The following KCNQ1 variants were observed in gnomAD, a reference collection of about 807,000 sequenced individuals.
The protein encoded by KCNQ1 is potassium voltage-gated channel subfamily KQT member 1.
Under a neutral mutation model 72.4 loss-of-function variants are expected in KCNQ1, and 49 were observed. That is an observed-to-expected ratio of 0.68 (90% CI 0.54 to 0.86). The LOEUF (loss-of-function observed/expected upper bound fraction) is 0.86. KCNQ1 is among the 40% of genes least tolerant of loss of function. The probability of loss-of-function intolerance (pLI) is 0.00; values close to 1 mark genes in which losing one functional copy is unlikely to be tolerated. For missense variants in KCNQ1, 790 were observed against 945.1 expected (o/e 0.84, Z 2.15); for synonymous variants, 450 against 412.6 (o/e 1.09, Z -1.10).
chr11:2,766,406 T>A lies in KCNQ1; in HGVS notation c.1515-2438T>A, dbSNP rs1486925745. On this transcript the variant is annotated intron_variant, in intron 11 of 15. Coordinates refer to ENST00000155840, the MANE Select transcript of KCNQ1 (RefSeq NM_000218.3). The surrounding 1 kb of genome is among the most constrained non-coding windows in gnomAD (Gnocchi z 4.4). The stretch of plus-strand genomic sequence containing the variant: ...GTTGTCAGCCAGGGTCTCTCAGCTC[T>A]CCTTCACGCGGCTGTTCCAGCAGGC... 6.6e-6 allele frequency among the ~76,000 whole-genome samples: 1 copy of A among 152,222 alleles called. No individual in the cohort carries two copies. The highest frequency in any genetic ancestry group is 2.4e-5 in the African/African-American group (1 of 41,454).
In KCNQ1 at chr11:2,621,392, A is replaced by G. The variant is rs1314179724; in HGVS notation, c.1393+32538A>G. 3 of 398,550 alleles carry G rather than the reference A, an allele frequency of 7.5e-6. No individual in the cohort carries two copies. Among genetic ancestry groups the G allele is most frequent in the Non-Finnish European group, 1.3e-5 (3 of 226,046 alleles). 24.7% of individuals were successfully genotyped at this position (398,550 alleles called of 1,614,324 possible). On this transcript the variant is annotated intron_variant, in intron 10 of 15. Coordinates refer to ENST00000155840, the MANE Select transcript of KCNQ1 (RefSeq NM_000218.3). The surrounding 1 kb of genome is among the most constrained non-coding windows in gnomAD (Gnocchi z 5.7). ...TGTCCTTTGCCAATTCAATTGGATTATTCGTTTTTTGCTTGTTGATTGGTT... is the reference window on the plus strand; with the variant it reads ...TGTCCTTTGCCAATTCAATTGGATTGTTCGTTTTTTGCTTGTTGATTGGTT...
At chr11:2,584,872 A>G (rs927615240) in intron 7 of KCNQ1, among the ~76,000 whole-genome samples, 4 of 152,082 alleles carry the variant, frequency 2.6e-5, no homozygotes, top group African/African-American at 9.7e-5. Flanking sequence ...CTGCCTTCTC[A>G]CTTGCGACCC....
In KCNQ1 at chr11:2,600,364, C is replaced by T. The variant is rs1848784487; in HGVS notation, c.1393+11510C>T. Among the ~76,000 whole-genome samples, 1 of 152,168 alleles carries T rather than the reference C, an allele frequency of 6.6e-6. No individual in the cohort carries two copies. Among genetic ancestry groups the T allele is most frequent in the African/African-American group, 2.4e-5 (1 of 41,442 alleles). On this transcript the variant is annotated intron_variant, in intron 10 of 15. Coordinates refer to ENST00000155840, the MANE Select transcript of KCNQ1 (RefSeq NM_000218.3). The surrounding 1 kb of genome is among the most constrained non-coding windows in gnomAD (Gnocchi z 5.6). The stretch of plus-strand genomic sequence containing the variant: ...ATAATTTTGAACTACAGAAAAATTA[C>T]AAGCACGAGATATAAAAACACCTAC...
rs1849209218 is a variant in KCNQ1 at position 2,623,520 on chromosome 11, G to A, written c.1393+34666G>A. ...AATGCAATATGATTGGAATCATACAGTATGTAGTTTCTTCAGATTGCCTTA... is the reference window on the plus strand; with the variant it reads ...AATGCAATATGATTGGAATCATACAATATGTAGTTTCTTCAGATTGCCTTA... On this transcript the variant is annotated intron_variant, in intron 10 of 15. Coordinates refer to ENST00000155840, the MANE Select transcript of KCNQ1 (RefSeq NM_000218.3). This position sits in a 1 kb window ranked among gnomAD's most constrained non-coding sequence, Gnocchi z 5.2. 1 of 398,364 alleles carries A rather than the reference G, an allele frequency of 2.5e-6. No homozygotes were observed. The highest frequency in any genetic ancestry group is 4.4e-5 in the Admixed American group (1 of 22,704). The allele number at this position is 398,364 out of a possible 1,614,324, so 24.7% of individuals were successfully genotyped here. A position where few individuals can be genotyped will look rare whatever the true frequency, so the allele number is the denominator to read the frequency against.
At chr11:2,445,887 A>G (rs573777054) in intron 1 of KCNQ1, among the ~76,000 whole-genome samples, 29 of 152,098 alleles carry the variant, frequency 1.9e-4, no homozygotes, top group African/African-American at 6.3e-4. Flanking sequence ...CCCAAGAGAG[A>G]AGGCCCCTGA....
chr11:2,677,152 T>C lies in KCNQ1; in HGVS notation c.1514+15071T>C, dbSNP rs992132730. ...ATCCCTCCCTATTGAACACTGTTGT[T>C]TCTCCCTATCCATCTTATCCCTACT... On this transcript the variant is annotated intron_variant, in intron 11 of 15. Transcript: ENST00000155840. This position sits in a 1 kb window ranked among gnomAD's most constrained non-coding sequence, Gnocchi z 4.5. 3.3e-5 allele frequency: 13 copies of C among 398,514 alleles called. No homozygotes were observed. The highest frequency in any genetic ancestry group is 2.7e-4 in the African/African-American group (13 of 48,622). 24.7% of individuals were successfully genotyped at this position (398,514 alleles called of 1,614,324 possible). A position where few individuals can be genotyped will look rare whatever the true frequency, so the allele number is the denominator to read the frequency against.
chr11:2,459,603 G>A (rs114622817), intron 1 of KCNQ1, among the ~76,000 whole-genome samples: 3,418 of 152,244 alleles, frequency 0.022, 78 homozygotes, highest in African/African-American at 0.058. Flanking sequence ...ACCGGGCAGG[G>A]ACAAGTCAGC....
chr11:2,650,921 G>A (rs1168695874), intron 10 of KCNQ1: 1 of 398,502 alleles, frequency 2.5e-6, no homozygotes, highest in Non-Finnish European at 4.4e-6. Context: ...CTGGCTGAAA[G>A]TCTTTTTTAA....
intron 2 of KCNQ1, among the ~76,000 whole-genome samples, chr11:2,553,503 T>TC (rs1848020672): frequency 1.3e-5 from 2 of 152,162 alleles, no homozygotes; most frequent in South Asian, 4.1e-4. Context: ...TGACAAGTGC[T>TC]CCTTCTGCCT....
At chr11:2,636,791 T>A (rs1225920891) in intron 10 of KCNQ1, 1 of 152,258 alleles carries the variant, frequency 6.6e-6, no homozygotes, top group African/African-American at 2.4e-5. Flanking sequence ...TCTGGTAGAA[T>A]TCGGCTGTGA....
Position 2,645,928 on chromosome 11 carries a change from TC to T in KCNQ1, c.1394-16032del. On this transcript the variant is annotated intron_variant, in intron 10 of 15. Coordinates refer to ENST00000155840, the MANE Select transcript of KCNQ1 (RefSeq NM_000218.3). This position sits in a 1 kb window ranked among gnomAD's most constrained non-coding sequence, Gnocchi z 5.8. ...GCCATTTCACAGTCTGTAGGTAGCC[TC>T]TTGTTAGTCTCAAGGCATCTATGGG... The T allele has an allele frequency of 5.0e-6, 2 of 398,608 alleles. No individual in the cohort carries two copies. Among genetic ancestry groups the T allele is most frequent in the East Asian group, 7.1e-5 (2 of 28,068 alleles). 24.7% of individuals were successfully genotyped at this position (398,608 alleles called of 1,614,324 possible).
chr11:2,540,016 G>A (rs906285516), intron 2 of KCNQ1, among the ~76,000 whole-genome samples: 1 of 152,324 alleles, frequency 6.6e-6, no homozygotes, highest in Non-Finnish European at 1.5e-5. Context: ...AGGCAGGCTT[G>A]GGGGAGCTGG....
intron 11 of KCNQ1, chr11:2,696,665 A>G: frequency 2.5e-6 from 1 of 398,674 alleles, no homozygotes; most frequent in Non-Finnish European, 4.4e-6. Flanking sequence ...ACGTCATTCT[A>G]ATGCCAAGTT....
chr11:2,757,561 T>G (rs1846323889), intron 11 of KCNQ1, among the ~76,000 whole-genome samples: 1 of 152,218 alleles, frequency 6.6e-6, no homozygotes, highest in Non-Finnish European at 1.5e-5. Context: ...CTTATGGACA[T>G]GGACAAACTT....
At chr11:2,487,857 CTTT>C (rs1846768179) in intron 1 of KCNQ1, among the ~76,000 whole-genome samples, 1 of 151,730 alleles carries the variant, frequency 6.6e-6, no homozygotes, top group South Asian at 2.1e-4. Flanking sequence ...CCTTTTATTT[CTTT>C]TAATTTTTTT....
In KCNQ1 at chr11:2,695,406, C is replaced by T. The variant is rs943241342; in HGVS notation, c.1514+33325C>T. 15 of 398,480 alleles carry T rather than the reference C, an allele frequency of 3.8e-5. No homozygotes were observed. Among genetic ancestry groups the T allele is most frequent in the Non-Finnish European group, 6.2e-5 (14 of 226,078 alleles). The allele number at this position is 398,480 out of a possible 1,614,324, so 24.7% of individuals were successfully genotyped here. A position where few individuals can be genotyped will look rare whatever the true frequency, so the allele number is the denominator to read the frequency against. On this transcript the variant is annotated intron_variant, in intron 11 of 15. Coordinates refer to ENST00000155840, the MANE Select transcript of KCNQ1 (RefSeq NM_000218.3). This position sits in a 1 kb window ranked among gnomAD's most constrained non-coding sequence, Gnocchi z 5.2. ...GGTGTGTAATTTTAATTTAAATACACAGTCATGTACTGAGGCCCTCTTTCT... is the reference window on the plus strand; with the variant it reads ...GGTGTGTAATTTTAATTTAAATACATAGTCATGTACTGAGGCCCTCTTTCT...
intron 15 of KCNQ1, among the ~76,000 whole-genome samples, chr11:2,794,951 C>T (rs1847101153): frequency 6.6e-6 from 1 of 152,198 alleles, no homozygotes; most frequent in South Asian, 2.1e-4. Context: ...GTGGGTATAG[C>T]TCATCACACC....
chr11:2,774,877 T>G (rs1186025691), intron 12 of KCNQ1, among the ~76,000 whole-genome samples: 1 of 152,122 alleles, frequency 6.6e-6, no homozygotes, highest in Non-Finnish European at 1.5e-5. Context: ...CTGAGCTTCC[T>G]CCTTTCTCAT....
chr11:2,459,391 A>G (rs1025731992), intron 1 of KCNQ1, among the ~76,000 whole-genome samples: 2 of 152,154 alleles, frequency 1.3e-5, no homozygotes, highest in Non-Finnish European at 2.9e-5. Flanking sequence ...TTCCTAGAGG[A>G]CAACCCCATG....
Sources: gnomAD v4.1 joint callset for allele counts (sites outside exome capture counted in the v4.1 genomes callset) on GRCh38, gnomAD v4.1.1 for gene constraint, Gnocchi (gnomAD v3.1) non-coding constraint, MANE v1.5 for transcripts, NCBI Gene and HGNC (gene_info 2026-07-23, HGNC 2026-07-21) for gene names.